The following SHISA9 variants were observed in gnomAD, a reference collection of about 807,000 sequenced individuals.
The protein encoded by SHISA9 is protein shisa-9.
Under a neutral mutation model 38.0 loss-of-function variants are expected in SHISA9, and 13 were observed. The observed-to-expected ratio is 0.34, with a 90% confidence interval of 0.22 to 0.54. The LOEUF (loss-of-function observed/expected upper bound fraction) is 0.54. SHISA9 is among the 20% of genes least tolerant of loss of function. SHISA9 has a pLI of 0.91. For synonymous variants in SHISA9, 275 were observed against 242.0 expected, an observed-to-expected ratio of 1.14 and a Z score of -1.27; for missense variants, 538 against 575.8, an observed-to-expected ratio of 0.93 and a Z score of 0.67.
At chr16:12,962,369 A>G (rs779608293) in intron 2 of SHISA9, among the ~76,000 whole-genome samples, 1 of 152,190 alleles carries the variant, frequency 6.6e-6, no homozygotes, top group East Asian at 1.9e-4. Flanking sequence ...CCCCAGTTGC[A>G]TGAATGATAG....
chr16:13,107,435 A>G (rs2073936865), intron 2 of SHISA9, among the ~76,000 whole-genome samples: 1 of 146,786 alleles, frequency 6.8e-6, no homozygotes, highest in South Asian at 2.2e-4. Flanking sequence ...TCGGTCTGAA[A>G]ACAAAAACAA....
At chr16:13,557,660 C>T in the SHISA9 span, among the ~76,000 whole-genome samples, 4 of 152,254 alleles carry the variant, frequency 2.6e-5, no homozygotes, top group Middle Eastern at 3.4e-3. Context: ...CGCCAAGGTG[C>T]GCTAATGGAA....
intron 2 of SHISA9, among the ~76,000 whole-genome samples, chr16:13,003,063 A>G (rs976838567): frequency 6.6e-6 from 1 of 152,238 alleles, no homozygotes. Context: ...AGGGGAGCAC[A>G]TTCCAGTTGG....
intron 2 of SHISA9, among the ~76,000 whole-genome samples, chr16:12,970,387 ATG>A (rs1341880141): frequency 2.0e-4 from 6 of 29,462 alleles, no homozygotes; most frequent in South Asian, 1.4e-3. Context: ...ATATACATAT[ATG>A]TATATATATA....
At chr16:13,099,888 A>G (rs1750204764) in intron 2 of SHISA9, among the ~76,000 whole-genome samples, 3 of 152,282 alleles carry the variant, frequency 2.0e-5, no homozygotes, top group South Asian at 4.1e-4. Context: ...AAAATCCAGG[A>G]GATTAGAGAG....
intron 2 of SHISA9, among the ~76,000 whole-genome samples, chr16:13,177,648 C>T (rs1326376076): frequency 6.6e-6 from 1 of 150,852 alleles, no homozygotes; most frequent in Non-Finnish European, 1.5e-5. Flanking sequence ...GAACTAGGTT[C>T]ACGGTGTTTT....
the SHISA9 span, among the ~76,000 whole-genome samples, chr16:13,409,002 C>T: frequency 2.6e-5 from 4 of 152,178 alleles, no homozygotes; most frequent in Admixed American, 2.6e-4. Context: ...CCTGCCACAC[C>T]CCACTATCCT....
intron 2 of SHISA9, among the ~76,000 whole-genome samples, chr16:12,983,266 A>T (rs913958474): frequency 6.6e-6 from 1 of 152,056 alleles, no homozygotes; most frequent in Non-Finnish European, 1.5e-5. Context: ...ACAAGTTTTG[A>T]TTCCTTATCC....
At chr16:13,318,902 C>G in the SHISA9 span, among the ~76,000 whole-genome samples, 6 of 152,366 alleles carry the variant, frequency 3.9e-5, no homozygotes, top group African/African-American at 1.4e-4. Context: ...AATTCCTTAG[C>G]TGGTGCTCAG....
At chr16:13,557,639 G>A in the SHISA9 span, among the ~76,000 whole-genome samples, 1 of 152,284 alleles carries the variant, frequency 6.6e-6, no homozygotes, top group South Asian at 2.1e-4. Context: ...GGGCATCCGA[G>A]GAGAGAACCA....
At chr16:13,354,238 G>A in the SHISA9 span, among the ~76,000 whole-genome samples, 197 of 105,032 alleles carry the variant, frequency 1.9e-3, no homozygotes, top group Non-Finnish European at 3.3e-3. Context: ...GGAAATGAGA[G>A]GTTCTAAGAG....
At chr16:13,445,664 G>T in the SHISA9 span, among the ~76,000 whole-genome samples, 505 of 152,226 alleles carry the variant, frequency 3.3e-3, 4 homozygotes, top group African/African-American at 0.011. Context: ...CATTTCCTTT[G>T]ATTGAAACTT....
At chr16:13,323,471 G>A in the SHISA9 span, among the ~76,000 whole-genome samples, 18 of 152,142 alleles carry the variant, frequency 1.2e-4, no homozygotes, top group Admixed American at 4.6e-4. Context: ...ATTTATATGC[G>A]ATATAGTTTG....
intron 2 of SHISA9, among the ~76,000 whole-genome samples, chr16:12,977,834 G>C (rs2072185296): frequency 6.6e-6 from 1 of 152,072 alleles, no homozygotes; most frequent in South Asian, 2.1e-4. Flanking sequence ...GGAGGGGGGA[G>C]AGTGAGAGCA....
chr16:13,452,613 C>T, the SHISA9 span, among the ~76,000 whole-genome samples: 1 of 152,146 alleles, frequency 6.6e-6, no homozygotes, highest in Non-Finnish European at 1.5e-5. Context: ...CTACTTTGGG[C>T]AAGGGTTATC....
At chr16:13,330,024 G>T in the SHISA9 span, among the ~76,000 whole-genome samples, 1 of 152,192 alleles carries the variant, frequency 6.6e-6, no homozygotes, top group Non-Finnish European at 1.5e-5. Flanking sequence ...GATCCAGGTG[G>T]ATCAGCCATG....
At chr16:13,396,379 C>T in the SHISA9 span, among the ~76,000 whole-genome samples, 1 of 152,164 alleles carries the variant, frequency 6.6e-6, no homozygotes, top group African/African-American at 2.4e-5. Context: ...GGGTGGTGTG[C>T]ACTTGTAATT....
the SHISA9 span, among the ~76,000 whole-genome samples, chr16:13,303,498 T>C: frequency 1.3e-5 from 2 of 151,754 alleles, no homozygotes; most frequent in Non-Finnish European, 2.9e-5. Flanking sequence ...ACACAAAAGG[T>C]CACATATTGT....
chr16:12,995,823 G>A (rs568363594), intron 2 of SHISA9, among the ~76,000 whole-genome samples: 79 of 152,282 alleles, frequency 5.2e-4, no homozygotes, highest in African/African-American at 1.8e-3. Flanking sequence ...ATATTGAGAG[G>A]CTTGAGGTCA....
Sources: allele counts gnomAD v4.1 joint callset (sites outside exome capture counted in the v4.1 genomes callset), GRCh38; gene constraint gnomAD v4.1.1; transcripts MANE v1.5; gene names NCBI Gene and HGNC (gene_info 2026-07-23, HGNC 2026-07-21).